CBX5: variants seen among roughly 807,000 people sequenced by gnomAD.
The protein encoded by CBX5 is chromobox protein homolog 5.
Under a neutral mutation model 20.7 loss-of-function variants are expected in CBX5, and 7 were observed. That is an observed-to-expected ratio of 0.34 (90% CI 0.19 to 0.63). CBX5 has a LOEUF of 0.63. Among genes scored for constraint, CBX5 ranks in the 30% least tolerant of loss-of-function variants. CBX5 has a pLI of 0.75. For missense variants in CBX5, 110 were observed against 224.1 expected (o/e 0.49, Z 3.25); for synonymous variants, 78 against 77.0 (o/e 1.01, Z -0.07).
chr12:54,256,340 T>A (rs930542774), intron 2 of CBX5, among the ~76,000 whole-genome samples: 8 of 152,200 alleles, frequency 5.3e-5, no homozygotes, highest in African/African-American at 1.7e-4. Context: ...GTGCTACCCA[T>A]ACTTGCACTC....
At chr12:54,246,617 T>G (rs1395844685) in intron 3 of CBX5, among the ~76,000 whole-genome samples, 1 of 151,646 alleles carries the variant, frequency 6.6e-6, no homozygotes, top group East Asian at 1.9e-4. Flanking sequence ...CCATCTCTAC[T>G]AAAAATACAA....
Position 54,236,537 on chromosome 12 carries a change from A to G in CBX5, c.*5218T>C, listed in dbSNP as rs1943624395. The G allele has an allele frequency of 6.6e-6, 1 of 152,212 alleles. No homozygotes were observed. Among genetic ancestry groups the G allele is most frequent in the South Asian group, 2.1e-4 (1 of 4,826 alleles). 9.4% of individuals were successfully genotyped at this position (152,212 alleles called of 1,614,324 possible). A position where few individuals can be genotyped will look rare whatever the true frequency, so the allele number is the denominator to read the frequency against. The stretch of plus-strand genomic sequence containing the variant: ...TTTATGATTAGCAGGTAAAGGTAGC[A>G]TGAAACTGCAATACACTGGCTCCAG... On this transcript the variant is annotated 3_prime_UTR_variant, in exon 5 of 5. Coordinates refer to ENST00000209875, the MANE Select transcript of CBX5 (RefSeq NM_012117.3).
chr12:54,271,570 C>G (rs949241119), intron 1 of CBX5, among the ~76,000 whole-genome samples: 2 of 152,148 alleles, frequency 1.3e-5, no homozygotes, highest in African/African-American at 4.8e-5. Flanking sequence ...GTAATCCACC[C>G]ACCTCAGCCT....
At chr12:54,254,609 T>G (rs1419413018) in intron 2 of CBX5, among the ~76,000 whole-genome samples, 4 of 152,046 alleles carry the variant, frequency 2.6e-5, no homozygotes, top group Admixed American at 1.3e-4. Flanking sequence ...TCCCAGCACT[T>G]TGGGAAGCAG....
At position 54,235,227 on chromosome 12, in the gene CBX5, G is replaced by A. The variant is rs1052298068; in HGVS notation, c.*6528C>T. 6.6e-6 allele frequency: 1 copy of A among 152,150 alleles called. No homozygotes were observed. Among genetic ancestry groups the A allele is most frequent in the African/African-American group, 2.4e-5 (1 of 41,420 alleles). 9.4% of individuals were successfully genotyped at this position (152,150 alleles called of 1,614,324 possible). On this transcript the variant is annotated 3_prime_UTR_variant, in exon 5 of 5. Coordinates refer to ENST00000209875, the MANE Select transcript of CBX5 (RefSeq NM_012117.3). Reference sequence around the variant, plus strand: ...TCAGACTGTTTCTTAACCCAGCTACGCTTCGATGATTAAATCTGAGACTCA... The same window carrying A: ...TCAGACTGTTTCTTAACCCAGCTACACTTCGATGATTAAATCTGAGACTCA...
In CBX5 at chr12:54,238,758, G is replaced by C. The variant is rs1161830058; in HGVS notation, c.*2997C>G. The C allele has an allele frequency of 6.6e-6, 1 of 152,212 alleles. No homozygotes were observed. The highest frequency in any genetic ancestry group is 1.9e-4 in the East Asian group (1 of 5,200). The allele number at this position is 152,212 out of a possible 1,614,324, so 9.4% of individuals were successfully genotyped here. A position where few individuals can be genotyped will look rare whatever the true frequency, so the allele number is the denominator to read the frequency against. ...ATCAAAGGGCTGCTAAGCTGTCCTT[G>C]GTAGCCTCTACTGGGCAAAGCTGTG... On this transcript the variant is annotated 3_prime_UTR_variant, in exon 5 of 5. Coordinates refer to ENST00000209875, the MANE Select transcript of CBX5 (RefSeq NM_012117.3).
intron 1 of CBX5, chr12:54,262,986 A>G (rs1352496863): frequency 1.3e-5 from 2 of 152,284 alleles, no homozygotes; most frequent in Non-Finnish European, 2.9e-5. Context: ...AACAGCTCTC[A>G]GCCTTCTCTC....
At chr12:54,265,210 A>G (rs1943945948) in intron 1 of CBX5, among the ~76,000 whole-genome samples, 2 of 152,224 alleles carry the variant, frequency 1.3e-5, no homozygotes, top group African/African-American at 2.4e-5. Context: ...TCTTCAAAGC[A>G]TCCTCTATAT....
At chr12:54,246,087 T>C in intron 4 of CBX5, 28 bp downstream of exon 4, 1 of 1,479,504 alleles carries the variant, frequency 6.8e-7, no homozygotes, top group Non-Finnish European at 9.5e-7. Flanking sequence ...AGAAACACAA[T>C]TGTAAAGCGA....
chr12:54,254,518 T>C (rs1162843138), intron 2 of CBX5, among the ~76,000 whole-genome samples: 1 of 151,514 alleles, frequency 6.6e-6, no homozygotes, highest in African/African-American at 2.4e-5. Flanking sequence ...TTTGAGCTAA[T>C]ATGGGAAAGT....
chr12:54,264,133 C>G (rs1224544592), intron 1 of CBX5, among the ~76,000 whole-genome samples: 1 of 152,230 alleles, frequency 6.6e-6, no homozygotes, highest in African/African-American at 2.4e-5. Flanking sequence ...TCTGCTTTGT[C>G]CAGTTCAGGT....
At position 54,236,145 on chromosome 12, in the gene CBX5, C is replaced by T. The variant is rs1259891905; in HGVS notation, c.*5610G>A. 6.6e-6 allele frequency: 1 copy of T among 152,202 alleles called. No homozygotes were observed. The highest frequency in any genetic ancestry group is 1.5e-5 in the Non-Finnish European group (1 of 68,046). The allele number at this position is 152,202 out of a possible 1,614,324, so 9.4% of individuals were successfully genotyped here. On this transcript the variant is annotated 3_prime_UTR_variant, in exon 5 of 5. Coordinates refer to ENST00000209875, the MANE Select transcript of CBX5 (RefSeq NM_012117.3). Reference sequence around the variant, plus strand: ...CGAAATTAATGTCAACTTCTTACTCCAGGGCTACAAACTATACAACATCAG... The same window carrying T: ...CGAAATTAATGTCAACTTCTTACTCTAGGGCTACAAACTATACAACATCAG...
intron 1 of CBX5, among the ~76,000 whole-genome samples, chr12:54,261,687 T>TGTTTTA (rs59957074): frequency 0.52 from 79,099 of 151,444 alleles, 22,839 homozygotes; most frequent in African/African-American, 0.78. Flanking sequence ...TCTTACCTTT[T>TGTTTTA]AACTTTTCAT....
intron 1 of CBX5, chr12:54,272,355 C>T (rs190053431): frequency 1.3e-5 from 2 of 152,122 alleles, no homozygotes; most frequent in Non-Finnish European, 2.9e-5. Context: ...TAGTGTCCTT[C>T]CTAGCAATGA....
intron 1 of CBX5, among the ~76,000 whole-genome samples, chr12:54,263,361 C>CA (rs201068133): frequency 0.14 from 21,329 of 148,464 alleles, 1,649 homozygotes; most frequent in South Asian, 0.32. Flanking sequence ...AACTCCGTCT[C>CA]AAAAAAAAAC....
At chr12:54,252,475 T>C in intron 2 of CBX5, 1 of 377,162 alleles carries the variant, frequency 2.7e-6, no homozygotes, top group Non-Finnish European at 4.6e-6. Flanking sequence ...AGAAAACAAA[T>C]TCAAATGTTC....
intron 1 of CBX5, among the ~76,000 whole-genome samples, chr12:54,260,815 T>C (rs1368292931): frequency 3.3e-5 from 5 of 152,136 alleles, no homozygotes; most frequent in Non-Finnish European, 4.4e-5. Context: ...TCCAAAACTC[T>C]ACTCTGCTTT....
chr12:54,231,008 T>A lies in CBX5; in HGVS notation c.*10747A>T, dbSNP rs182870512. On this transcript the variant is annotated 3_prime_UTR_variant, in exon 5 of 5. Coordinates refer to ENST00000209875, the MANE Select transcript of CBX5 (RefSeq NM_012117.3). ...TATGAAAAGGGGGAAAAGAGGAGGGTAGAAGAGGGGGAGAGAATGAGGTCT... is the reference window on the plus strand; with the variant it reads ...TATGAAAAGGGGGAAAAGAGGAGGGAAGAAGAGGGGGAGAGAATGAGGTCT... 6.6e-6 allele frequency: 1 copy of A among 151,888 alleles called. No individual in the cohort carries two copies. The allele number at this position is 151,888 out of a possible 1,614,324, so 9.4% of individuals were successfully genotyped here. A position where few individuals can be genotyped will look rare whatever the true frequency, so the allele number is the denominator to read the frequency against.
In CBX5 at chr12:54,231,051, T is replaced by C. The variant is rs1440124284; in HGVS notation, c.*10704A>G. ...TGAGGTCTGCATCAGATGTCAGTTA[T>C]GGAAACACATAAATGCTTACTTTTT... is the stretch of plus-strand genomic sequence containing the variant. On this transcript the variant is annotated 3_prime_UTR_variant, in exon 5 of 5. Coordinates refer to ENST00000209875, the MANE Select transcript of CBX5 (RefSeq NM_012117.3). 2 of 152,162 alleles carry C rather than the reference T, an allele frequency of 1.3e-5. No homozygotes were observed. Among genetic ancestry groups the C allele is most frequent in the African/African-American group, 2.4e-5 (1 of 41,424 alleles). 9.4% of individuals were successfully genotyped at this position (152,162 alleles called of 1,614,324 possible).
Sources: gnomAD v4.1 joint callset for allele counts (sites outside exome capture counted in the v4.1 genomes callset) on GRCh38, gnomAD v4.1.1 for gene constraint, MANE v1.5 for transcripts, NCBI Gene and HGNC (gene_info 2026-07-23, HGNC 2026-07-21) for gene names.